Variants in SPTLC1 observed in about 807,000 individuals in gnomAD.
SPTLC1 encodes the protein serine palmitoyltransferase 1.
A neutral mutation model predicts 68.9 loss-of-function variants in SPTLC1; 55 were observed. The ratio of observed to expected loss-of-function variants is 0.80; its 90% confidence interval spans 0.64 to 1.00. The LOEUF is 1.00. Among genes scored for constraint, SPTLC1 ranks in the 50% least tolerant of loss-of-function variants. SPTLC1 has a pLI of 0.00. For missense variants in SPTLC1, 449 were observed against 573.1 expected, an observed-to-expected ratio of 0.78 and a Z score of 2.21; for synonymous variants, 197 against 201.6, an observed-to-expected ratio of 0.98 and a Z score of 0.19.
At chr9:92,090,552 C>A (rs192035184) in intron 3 of SPTLC1, among the ~76,000 whole-genome samples, 11 of 151,878 alleles carry the variant, frequency 7.2e-5, no homozygotes, top group Admixed American at 3.9e-4. Flanking sequence ...AGAGACACTG[C>A]AGTGAGCTGA....
At chr9:92,108,938 T>G in intron 2 of SPTLC1, 104 bp from the exon 3 acceptor site, 2 of 1,543,948 alleles carry the variant, frequency 1.3e-6, no homozygotes, top group Non-Finnish European at 1.8e-6. Flanking sequence ...TACTAACTAT[T>G]CTCAAGTTCG....
chr9:92,095,310 G>C (rs889200819), intron 3 of SPTLC1, among the ~76,000 whole-genome samples: 5 of 152,130 alleles, frequency 3.3e-5, no homozygotes, highest in Admixed American at 2.6e-4. Context: ...AGATGACACA[G>C]AAAAGTCCTA....
rs375210558 is a variant in SPTLC1 at position 92,044,603 on chromosome 9, G to C, written c.1136+1396C>G. Among the ~76,000 whole-genome samples, 5 of 152,134 alleles carry C rather than the reference G, an allele frequency of 3.3e-5. No individual in the cohort carries two copies. The East Asian group carries it at 9.6e-4, about 29-fold the overall frequency. ...GGGAAACGTCAGGTGACAGGCAAGA[G>C]GAATTTAAAGTGGACATGACTGCTA... On this transcript the variant is annotated intron_variant, in intron 12 of 14. Coordinates refer to ENST00000262554, the MANE Select transcript of SPTLC1 (RefSeq NM_006415.4).
intron 12 of SPTLC1, among the ~76,000 whole-genome samples, chr9:92,040,753 G>T (rs1020392414): frequency 3.4e-5 from 5 of 147,092 alleles, no homozygotes; most frequent in African/African-American, 1.3e-4. Flanking sequence ...GCAAGACTCT[G>T]TCTCAAAAGA....
At chr9:92,055,209 G>A (rs565934309) in intron 8 of SPTLC1, 196 bp downstream of exon 8, 1 of 985,118 alleles carries the variant, frequency 1.0e-6, no homozygotes, top group East Asian at 1.1e-4. Context: ...CTGGGCAACA[G>A]AGCAGTCTTG....
At chr9:92,104,745 G>C in intron 3 of SPTLC1, 1 of 1,533,348 alleles carries the variant, frequency 6.5e-7, no homozygotes, top group South Asian at 1.2e-5. Context: ...TGTAGCAATG[G>C]GGAAGCAGCT....
intron 2 of SPTLC1, chr9:92,111,906 CTCG>C (rs1836263916): frequency 6.5e-6 from 1 of 154,336 alleles, no homozygotes; most frequent in South Asian, 2.0e-4. Flanking sequence ...ACTAACCACC[CTCG>C]CCTCTTTCCT....
chr9:92,090,507 G>C (rs1415972159), intron 3 of SPTLC1, among the ~76,000 whole-genome samples: 1 of 152,040 alleles, frequency 6.6e-6, no homozygotes, highest in African/African-American at 2.4e-5. Flanking sequence ...AGCTACTCCA[G>C]AGGCGGAGGC....
At chr9:92,066,100 C>T (rs1834269848) in intron 6 of SPTLC1, among the ~76,000 whole-genome samples, 1 of 152,134 alleles carries the variant, frequency 6.6e-6, no homozygotes, top group Non-Finnish European at 1.5e-5. Context: ...AAATACTATT[C>T]TAAGTAATGG....
chr9:92,112,557 A>C lies in SPTLC1; in HGVS notation c.63T>G (p.Pro21=), dbSNP rs1367239173. The C allele has an allele frequency of 6.2e-7, 1 of 1,601,524 alleles. No homozygotes were observed. The highest frequency in any genetic ancestry group is 2.2e-5 in the East Asian group (1 of 44,776). Residue 21 remains proline, a synonymous_variant, in exon 2 of 15, where the codon CCT becomes CCG. Coordinates refer to ENST00000262554, the MANE Select transcript of SPTLC1 (RefSeq NM_006415.4). ...TCCCTTCCAAAATAAGATGGTAAGCAGGAGCCTAAGAGTGAGTCAAAAACA... is the reference window on the plus strand; with the variant it reads ...TCCCTTCCAAAATAAGATGGTAAGCCGGAGCCTAAGAGTGAGTCAAAAACA... The part of the protein sequence containing the change: ...VEMVQALYEA[P]AYHLILEGIL...
At chr9:92,040,370 C>CAAAAA (rs1486353768) in intron 12 of SPTLC1, among the ~76,000 whole-genome samples, 2 of 150,756 alleles carry the variant, frequency 1.3e-5, no homozygotes, top group Non-Finnish European at 2.9e-5. Flanking sequence ...GACTCTGTCT[C>CAAAAA]AAAACAAAAA....
rs566656405 is a variant in SPTLC1, at chr9:92,085,678, G to A, written c.261-4715C>T. On this transcript the variant is annotated intron_variant, in intron 3 of 14. Transcript: ENST00000262554. ...TACTTCCAACTATGTGGTCAATTTT[G>A]GAATAGGTGTGGTGTGGTGCTGAAA... Among the ~76,000 whole-genome samples, 394 of 151,426 alleles carry A rather than the reference G, an allele frequency of 2.6e-3. 2 individuals carry two copies. Among genetic ancestry groups the A allele is most frequent in the African/African-American group, 8.9e-3 (366 of 41,250 alleles).
intron 12 of SPTLC1, among the ~76,000 whole-genome samples, chr9:92,041,972 T>C (rs1833365259): frequency 6.6e-6 from 1 of 152,168 alleles, no homozygotes; most frequent in Admixed American, 6.6e-5. Flanking sequence ...ATGCCTGTAG[T>C]CCCAACTAGT....
At chr9:92,075,328 T>C (rs1298878524) in intron 5 of SPTLC1, among the ~76,000 whole-genome samples, 1 of 152,200 alleles carries the variant, frequency 6.6e-6, no homozygotes, top group Non-Finnish European at 1.5e-5. Flanking sequence ...CTTCTGCCTT[T>C]GGATACCAGG....
rs368623150 is a variant in SPTLC1 at position 92,050,248 on chromosome 9, G to A, written c.781-181C>T. ...ACCTCCATATCAATACTTTTTTCCT[G>A]TCATCACGGATATGTGCATGTGCAG... On this transcript the variant is annotated intron_variant, in intron 8 of 14. Coordinates refer to ENST00000262554, the MANE Select transcript of SPTLC1 (RefSeq NM_006415.4). 3.0e-4 allele frequency: 171 copies of A among 572,990 alleles called. 1 individual carries two copies. Among genetic ancestry groups the A allele is most frequent in the African/African-American group, 2.9e-3 (155 of 53,300 alleles). The allele number at this position is 572,990 out of a possible 1,614,324, so 35.5% of individuals were successfully genotyped here. A position where few individuals can be genotyped will look rare whatever the true frequency, so the allele number is the denominator to read the frequency against.
At chr9:92,032,646 G>A in intron 14 of SPTLC1, 88 bp from the exon 15 acceptor site, 2 of 1,549,920 alleles carry the variant, frequency 1.3e-6, no homozygotes, top group Non-Finnish European at 8.9e-7. Context: ...GGAGGCCAAG[G>A]CAGGTGGATC....
intron 13 of SPTLC1, among the ~76,000 whole-genome samples, chr9:92,035,416 A>G (rs1016388423): frequency 6.6e-6 from 1 of 152,232 alleles, no homozygotes; most frequent in African/African-American, 2.4e-5. Flanking sequence ...TCTGGCGTTA[A>G]CAAAGTTTTA....
intron 3 of SPTLC1, among the ~76,000 whole-genome samples, chr9:92,084,106 T>C (rs1835014893): frequency 6.6e-6 from 1 of 151,754 alleles, no homozygotes; most frequent in African/African-American, 2.4e-5. Context: ...CCTGAGACTT[T>C]GCTGAAGTTG....
chr9:92,031,366 ATTC>A lies in SPTLC1; in HGVS notation c.*1096_*1098del, dbSNP rs1361447755. ...CACAGGTTATAAAAATCACAATTTTATTCTTCTACCTTTAACAAGAGAAGGAAT... is the reference window on the plus strand; with the variant it reads ...CACAGGTTATAAAAATCACAATTTTATTCTACCTTTAACAAGAGAAGGAAT... On this transcript the variant is annotated 3_prime_UTR_variant, in exon 15 of 15. Transcript: ENST00000262554. The A allele has an allele frequency of 6.6e-6, 1 of 152,596 alleles. No homozygotes were observed. The highest frequency in any genetic ancestry group is 1.5e-5 in the Non-Finnish European group (1 of 68,024). The allele number at this position is 152,596 out of a possible 1,614,324, so 9.5% of individuals were successfully genotyped here.
Sources: gnomAD v4.1 joint callset for allele counts (sites outside exome capture counted in the v4.1 genomes callset) on GRCh38, gnomAD v4.1.1 for gene constraint, MANE v1.5 for transcripts, NCBI Gene and HGNC (gene_info 2026-07-23, HGNC 2026-07-21) for gene names.